AGBL4: variants seen among roughly 807,000 people sequenced by gnomAD.
AGBL4 encodes the protein cytosolic carboxypeptidase 6.
A neutral mutation model predicts 66.4 loss-of-function variants in AGBL4; 58 were observed. The ratio of observed to expected loss-of-function variants is 0.87; its 90% CI spans 0.71 to 1.09. AGBL4 has a LOEUF of 1.09. Among genes scored for constraint, AGBL4 ranks in the 50% least tolerant of loss-of-function variants. The pLI is 0.00. For missense variants in AGBL4, 579 were observed against 631.0 expected, an observed-to-expected ratio of 0.92 and a Z score of 0.88; for synonymous variants, 234 against 222.9, an observed-to-expected ratio of 1.05 and a Z score of -0.44.
intron 3 of AGBL4, among the ~76,000 whole-genome samples, chr1:49,532,433 T>A (rs1377975444): frequency 6.6e-6 from 1 of 152,122 alleles, no homozygotes; most frequent in Non-Finnish European, 1.5e-5. Flanking sequence ...AAACATTGAA[T>A]TTCATGTTGC....
chr1:49,290,447 T>C (rs186921653), intron 3 of AGBL4, among the ~76,000 whole-genome samples: 2 of 152,224 alleles, frequency 1.3e-5, no homozygotes, highest in African/African-American at 4.8e-5. Flanking sequence ...TTGGCTAGAG[T>C]AAGTCACATG....
intron 3 of AGBL4, among the ~76,000 whole-genome samples, chr1:49,575,880 G>C (rs555635910): frequency 1.3e-5 from 2 of 152,288 alleles, no homozygotes; most frequent in Admixed American, 6.5e-5. Context: ...TATTTGGAGA[G>C]ACCTTCATCG....
intron 9 of AGBL4, among the ~76,000 whole-genome samples, chr1:48,608,922 A>G (rs752772182): frequency 6.6e-6 from 1 of 152,226 alleles, no homozygotes; most frequent in Admixed American, 6.5e-5. Context: ...TTTGCATGCA[A>G]TATAACACTT....
intron 6 of AGBL4, among the ~76,000 whole-genome samples, chr1:48,754,154 C>T (rs113773549): frequency 4.6e-5 from 7 of 152,228 alleles, no homozygotes; most frequent in African/African-American, 1.4e-4. Context: ...GGGAGGACAC[C>T]GTAGCCTTGG....
intron 2 of AGBL4, among the ~76,000 whole-genome samples, chr1:49,753,567 A>G (rs1651646674): frequency 6.6e-6 from 1 of 152,080 alleles, no homozygotes; most frequent in Non-Finnish European, 1.5e-5. Context: ...ATTCTCAAGG[A>G]ATATCTCTGT....
chr1:49,556,239 T>G (rs200476511), intron 3 of AGBL4, among the ~76,000 whole-genome samples: 97 of 152,144 alleles, frequency 6.4e-4, no homozygotes, highest in Non-Finnish European at 1.0e-3. Context: ...GGGACATGGA[T>G]GAAGCTGGAA....
chr1:48,850,377 ATTG>A (rs1647007291), intron 6 of AGBL4, among the ~76,000 whole-genome samples: 1 of 152,136 alleles, frequency 6.6e-6, no homozygotes, highest in Admixed American at 6.6e-5. Context: ...GGGTTAGTAA[ATTG>A]GTGGGTAAGG....
At chr1:49,976,358 T>C (rs866414971) in intron 1 of AGBL4, among the ~76,000 whole-genome samples, 6 of 152,286 alleles carry the variant, frequency 3.9e-5, no homozygotes, top group Middle Eastern at 3.4e-3. Context: ...CCTGTACCCA[T>C]GCACTTTGGG....
intron 2 of AGBL4, among the ~76,000 whole-genome samples, chr1:49,731,278 C>A (rs2124713717): frequency 6.6e-6 from 1 of 152,280 alleles, no homozygotes; most frequent in South Asian, 2.1e-4. Context: ...GTATTATTAG[C>A]AGCCTAAGAA....
At chr1:49,288,635 A>G (rs1233497295) in intron 3 of AGBL4, among the ~76,000 whole-genome samples, 4 of 152,302 alleles carry the variant, frequency 2.6e-5, no homozygotes, top group Non-Finnish European at 4.4e-5. Flanking sequence ...ATGAGGTTAA[A>G]ATGCTAAGTG....
chr1:48,582,365 T>C (rs1024497188), intron 11 of AGBL4, among the ~76,000 whole-genome samples: 7 of 152,210 alleles, frequency 4.6e-5, no homozygotes, highest in Non-Finnish European at 1.0e-4. Context: ...CATCTTAGAA[T>C]GTCAGAGCTG....
intron 6 of AGBL4, among the ~76,000 whole-genome samples, chr1:48,841,771 T>C (rs549084961): frequency 6.6e-6 from 1 of 152,240 alleles, no homozygotes; most frequent in African/African-American, 2.4e-5. Flanking sequence ...GCACATTGAA[T>C]CATGCACTAG....
chr1:49,053,520 T>C (rs1318498533), intron 4 of AGBL4, among the ~76,000 whole-genome samples: 1 of 152,128 alleles, frequency 6.6e-6, no homozygotes, highest in Non-Finnish European at 1.5e-5. Context: ...TCCAGGTTAC[T>C]AGTTAGTGGG....
At chr1:49,505,481 A>T (rs1648597397) in intron 3 of AGBL4, among the ~76,000 whole-genome samples, 2 of 151,726 alleles carry the variant, frequency 1.3e-5, no homozygotes, top group African/African-American at 4.8e-5. Flanking sequence ...TTTCTGAAGG[A>T]TAGCTTTGTC....
intron 6 of AGBL4, among the ~76,000 whole-genome samples, chr1:48,749,026 C>T (rs141481591): frequency 9.2e-4 from 140 of 152,062 alleles, no homozygotes; most frequent in African/African-American, 3.0e-3. Flanking sequence ...GAAATGGATC[C>T]GAGAGAGCCC....
chr1:48,642,844 CCTGGGTG>C (rs1213597082), intron 8 of AGBL4, among the ~76,000 whole-genome samples: 2 of 152,156 alleles, frequency 1.3e-5, no homozygotes, highest in Non-Finnish European at 2.9e-5. Context: ...GTTCACAAGA[CCTGGGTG>C]CTGGCAAGGC....
At chr1:49,160,284 TTC>T (rs1397386147) in intron 4 of AGBL4, among the ~76,000 whole-genome samples, 2 of 152,206 alleles carry the variant, frequency 1.3e-5, no homozygotes, top group Non-Finnish European at 2.9e-5. Context: ...TGCTATTCCT[TTC>T]TGTTTGTTAG....
chr1:49,502,353 T>C (rs201918504), intron 3 of AGBL4, among the ~76,000 whole-genome samples: 1 of 152,148 alleles, frequency 6.6e-6, no homozygotes, highest in Admixed American at 6.5e-5. Flanking sequence ...CCTCTTCATA[T>C]ATTCATCTAT....
At chr1:49,355,439 C>T (rs1643999877) in intron 3 of AGBL4, among the ~76,000 whole-genome samples, 1 of 152,170 alleles carries the variant, frequency 6.6e-6, no homozygotes, top group East Asian at 1.9e-4. Flanking sequence ...TCCACTAATA[C>T]AATTCTGGTC....
Sources: allele counts gnomAD v4.1 joint callset (sites outside exome capture counted in the v4.1 genomes callset), GRCh38; gene constraint gnomAD v4.1.1; transcripts MANE v1.5; gene names NCBI Gene and HGNC (gene_info 2026-07-23, HGNC 2026-07-21).